The following ERG variants were observed in gnomAD, a reference collection of about 807,000 sequenced individuals.
The protein encoded by ERG is ETS transcription factor ERG.
In ERG, 9 loss-of-function variants were observed where a neutral mutation model predicts 55.3. That is an observed-to-expected ratio of 0.16 (90% confidence interval 0.10 to 0.28). ERG has a LOEUF of 0.28. ERG is among the 10% of genes least tolerant of loss of function. The pLI, the probability that ERG is intolerant of heterozygous loss-of-function variation, is 1.00. For synonymous variants in ERG, 223 were observed against 237.3 expected (o/e 0.94, Z 0.55); for missense variants, 434 against 631.6 (o/e 0.69, Z 3.35).
At chr21:38,468,382 G>A (rs1195693460) in intron 1 of ERG, among the ~76,000 whole-genome samples, 7 of 152,222 alleles carry the variant, frequency 4.6e-5, no homozygotes, top group Non-Finnish European at 1.0e-4. Context: ...AATGCATACT[G>A]TAAACTTATT....
intron 1 of ERG, among the ~76,000 whole-genome samples, chr21:38,622,676 C>A (rs928025243): frequency 1.0e-4 from 15 of 148,728 alleles, no homozygotes; most frequent in Non-Finnish European, 1.8e-4. Context: ...ACATTACATA[C>A]ACACCATACC....
At chr21:38,610,021 G>A (rs2060216786) in intron 1 of ERG, among the ~76,000 whole-genome samples, 2 of 152,342 alleles carry the variant, frequency 1.3e-5, no homozygotes, top group East Asian at 3.9e-4. Flanking sequence ...CACGGCTTCT[G>A]CTCCTCTGAG....
chr21:38,438,946 A>C (rs927287706), intron 2 of ERG, among the ~76,000 whole-genome samples: 6 of 152,224 alleles, frequency 3.9e-5, no homozygotes, highest in Non-Finnish European at 7.4e-5. Flanking sequence ...AAGAAGCCGC[A>C]TCTCAAACAA....
chr21:38,383,998 G>T lies in ERG; in HGVS notation c.920-75C>A. On this transcript the variant is annotated intron_variant, in intron 9 of 9. Coordinates refer to ENST00000288319, the MANE Select transcript of ERG (RefSeq NM_182918.4). The surrounding 1 kb of genome is among the most constrained non-coding windows in gnomAD (Gnocchi z 5.7). Reference sequence around the variant, plus strand: ...GGGAAAGAGGCTCTCTGTGATGACGGAAGGAGGTGCTATTGGTGTGCCGCC... The same window carrying T: ...GGGAAAGAGGCTCTCTGTGATGACGTAAGGAGGTGCTATTGGTGTGCCGCC... The T allele has an allele frequency of 6.5e-7, 1 of 1,528,056 alleles. No homozygotes were observed. The highest frequency in any genetic ancestry group is 8.7e-7 in the Non-Finnish European group (1 of 1,142,952). The allele number at this position is 1,528,056 out of a possible 1,614,324, so 94.7% of individuals were successfully genotyped here. A position where few individuals can be genotyped will look rare whatever the true frequency, so the allele number is the denominator to read the frequency against.
In ERG at chr21:38,516,584, C is replaced by T. The variant is rs115036785; in HGVS notation, c.-41+59078G>A. 7.2e-3 allele frequency among the ~76,000 whole-genome samples: 1,100 copies of T among 151,736 alleles called. 17 individuals are homozygous for T. Among genetic ancestry groups the T allele is most frequent in the African/African-American group, 0.025 (1,032 of 41,452 alleles). The stretch of plus-strand genomic sequence containing the variant: ...AATGCAATCCCTGTTAAAATATTAA[C>T]GTCATTTTTCACAAGAATAGAAAAA... On this transcript the variant is annotated intron_variant, in intron 2 of 8. Transcript: ENST00000398897.
intron 2 of ERG, among the ~76,000 whole-genome samples, chr21:38,433,225 C>T (rs1399388845): frequency 6.6e-6 from 1 of 152,150 alleles, no homozygotes; most frequent in Admixed American, 6.5e-5. Context: ...CAAAAGGAAA[C>T]CAGACAAAAA....
At chr21:38,402,121 T>C (rs1018396909) in intron 5 of ERG, among the ~76,000 whole-genome samples, 2 of 152,036 alleles carry the variant, frequency 1.3e-5, no homozygotes, top group Non-Finnish European at 1.5e-5. Context: ...AAAAAGAAAA[T>C]TCCAACTTAT....
intron 1 of ERG, among the ~76,000 whole-genome samples, chr21:38,449,768 G>A (rs2058923940): frequency 6.6e-6 from 1 of 152,126 alleles, no homozygotes; most frequent in Non-Finnish European, 1.5e-5. Flanking sequence ...GATCCTTATA[G>A]CTCATAAAAA....
chr21:38,559,669 C>T (rs1281580655), intron 2 of ERG, among the ~76,000 whole-genome samples: 3 of 152,030 alleles, frequency 2.0e-5, no homozygotes, highest in Non-Finnish European at 4.4e-5. Flanking sequence ...TAATCTAAAA[C>T]AAATTTTTTA....
chr21:38,547,594 T>C (rs1391329681), intron 2 of ERG, among the ~76,000 whole-genome samples: 9 of 152,228 alleles, frequency 5.9e-5, no homozygotes, highest in Admixed American at 5.9e-4. Flanking sequence ...CTTTTATTAG[T>C]GCTAAAATTC....
chr21:38,552,812 T>C (rs2059832444), intron 2 of ERG, among the ~76,000 whole-genome samples: 1 of 144,240 alleles, frequency 6.9e-6, no homozygotes, highest in Admixed American at 7.1e-5. Flanking sequence ...GTCAATATAG[T>C]ACTGGAAGTC....
In ERG at chr21:38,392,439, G is replaced by A. The variant is rs368736293; in HGVS notation, c.751C>T (p.Pro251Ser). The A allele has an allele frequency of 2.6e-6, 4 of 1,529,018 alleles. No individual in the cohort carries two copies. The highest frequency in any genetic ancestry group is 3.5e-6 in the Non-Finnish European group (4 of 1,137,252). 94.7% of individuals were successfully genotyped at this position (1,529,018 alleles called of 1,614,324 possible). A position where few individuals can be genotyped will look rare whatever the true frequency, so the allele number is the denominator to read the frequency against. Residue 251 changes from proline to serine, a missense_variant, in exon 7 of 10, where the codon CCA (proline) becomes TCA (serine). Coordinates refer to ENST00000288319, the MANE Select transcript of ERG (RefSeq NM_182918.4). ...TQRITTRPDL[P>S]YEPPRRSAWT... is the part of the protein sequence containing the mutation. Reference sequence around the variant, plus strand: ...GCTGATCTCCTGGGGGGCTCATATGGTAAATCTGTAAAGACAAATAAATTG... The same window carrying A: ...GCTGATCTCCTGGGGGGCTCATATGATAAATCTGTAAAGACAAATAAATTG...
In ERG at chr21:38,460,870, G is replaced by A. The variant is rs1946964167; in HGVS notation, c.19-15249C>T. On this transcript the variant is annotated intron_variant, in intron 1 of 9. Transcript: ENST00000288319. The surrounding 1 kb of genome is among the most constrained non-coding windows in gnomAD (Gnocchi z 5.0). Reference sequence around the variant, plus strand: ...CAGACAATGGTGTCACTTCCTTTCTGCTTAGGAAGGAGACGTTTGGAAAAA... The same window carrying A: ...CAGACAATGGTGTCACTTCCTTTCTACTTAGGAAGGAGACGTTTGGAAAAA... Among the ~76,000 whole-genome samples the A allele has an allele frequency of 6.6e-6, 1 of 152,210 alleles. No individual in the cohort carries two copies. The highest frequency in any genetic ancestry group is 6.5e-5 in the Admixed American group (1 of 15,278).
chr21:38,646,314 CA>C (rs2060456498), intron 1 of ERG, among the ~76,000 whole-genome samples: 1 of 139,640 alleles, frequency 7.2e-6, no homozygotes, highest in Admixed American at 7.1e-5. Context: ...CAAACAAAAA[CA>C]AAACAGTCGC....
intron 2 of ERG, among the ~76,000 whole-genome samples, chr21:38,545,317 C>T (rs1447839004): frequency 6.6e-6 from 1 of 152,168 alleles, no homozygotes; most frequent in East Asian, 1.9e-4. Flanking sequence ...TTCTCAATAG[C>T]TTCACCTGTA....
intron 3 of ERG, among the ~76,000 whole-genome samples, chr21:38,413,805 T>C (rs1989162406): frequency 6.6e-6 from 1 of 152,300 alleles, no homozygotes; most frequent in South Asian, 2.1e-4. Flanking sequence ...TTGTTCCACA[T>C]AAAGGTTTCT....
At chr21:38,403,843 C>T (rs940253254) in intron 3 of ERG, 134 bp from the exon 4 acceptor site, 46 of 743,978 alleles carry the variant, frequency 6.2e-5, no homozygotes, top group Admixed American at 4.0e-4. Context: ...TCCCTGGCTA[C>T]CCAGGAGAAC....
chr21:38,589,723 G>A (rs1468254973), upstream of ERG, among the ~76,000 whole-genome samples: 1 of 152,172 alleles, frequency 6.6e-6, no homozygotes, highest in Non-Finnish European at 1.5e-5. Flanking sequence ...AAACCAATGT[G>A]CTGTGGATAT....
intron 2 of ERG, among the ~76,000 whole-genome samples, chr21:38,519,300 C>A (rs369969143): frequency 1.1e-4 from 17 of 152,230 alleles, no homozygotes; most frequent in African/African-American, 4.1e-4. Flanking sequence ...TTAGTAAAAA[C>A]CAAAGGGTGA....
Sources: gnomAD v4.1 joint callset for allele counts (sites outside exome capture counted in the v4.1 genomes callset) on GRCh38, gnomAD v4.1.1 for gene constraint, Gnocchi (gnomAD v3.1) non-coding constraint, MANE v1.5 for transcripts, NCBI Gene and HGNC (gene_info 2026-07-23, HGNC 2026-07-21) for gene names.